The following COL23A1 variants were observed in gnomAD, a reference collection of about 807,000 sequenced individuals.
COL23A1 encodes collagen type XXIII alpha 1 chain, also known as collagen alpha-1(XXIII) chain.
A neutral mutation model predicts 99.3 loss-of-function variants in COL23A1; 97 were observed. The ratio of observed to expected loss-of-function variants is 0.98; its 90% CI spans 0.83 to 1.16. The LOEUF (loss-of-function observed/expected upper bound fraction) is 1.16. Among genes scored for constraint, COL23A1 ranks in the 50% most tolerant of loss-of-function variants. The probability of loss-of-function intolerance (pLI) is 0.00; values close to 1 mark genes in which losing one functional copy is unlikely to be tolerated. For missense variants in COL23A1, 762 were observed against 757.4 expected (o/e 1.01, Z -0.07); for synonymous variants, 320 against 308.2 (o/e 1.04, Z -0.40).
chr5:178,370,094 T>C (rs1762718823), intron 2 of COL23A1, among the ~76,000 whole-genome samples: 1 of 152,198 alleles, frequency 6.6e-6, no homozygotes, highest in Non-Finnish European at 1.5e-5. Flanking sequence ...ACCAAATTCA[T>C]GCCACGTGTC....
intron 2 of COL23A1, among the ~76,000 whole-genome samples, chr5:178,315,437 A>C (rs1036830517): frequency 6.6e-6 from 1 of 152,218 alleles, no homozygotes; most frequent in Non-Finnish European, 1.5e-5. Context: ...CCCCATTTAC[A>C]GATAAAAACC....
chr5:178,498,164 G>C (rs999129914), intron 2 of COL23A1, among the ~76,000 whole-genome samples: 1 of 135,780 alleles, frequency 7.4e-6, no homozygotes, highest in Non-Finnish European at 1.6e-5. Flanking sequence ...TTAGGAGTTC[G>C]AGACCAGCCT....
chr5:178,368,251 G>A (rs906243869), intron 2 of COL23A1, among the ~76,000 whole-genome samples: 3 of 152,196 alleles, frequency 2.0e-5, no homozygotes, highest in Admixed American at 2.0e-4. Flanking sequence ...CATGGGCTGG[G>A]CAGGGAGGAG....
chr5:178,315,457 A>G (rs1024374011), intron 2 of COL23A1, among the ~76,000 whole-genome samples: 4 of 152,222 alleles, frequency 2.6e-5, no homozygotes, highest in African/African-American at 9.6e-5. Flanking sequence ...CCTGAGGCCC[A>G]CAGGCAAAAG....
intron 2 of COL23A1, among the ~76,000 whole-genome samples, chr5:178,482,660 G>A (rs527788719): frequency 6.6e-6 from 1 of 152,268 alleles, no homozygotes; most frequent in South Asian, 2.1e-4. Flanking sequence ...CTAAGAGGCC[G>A]AGGAGGGCAG....
intron 1 of COL23A1, among the ~76,000 whole-genome samples, chr5:178,575,899 C>T (rs1257297102): frequency 2.0e-5 from 3 of 152,178 alleles, no homozygotes; most frequent in African/African-American, 4.8e-5. Context: ...ACCAGGTGTT[C>T]GGAATATGAC....
intron 2 of COL23A1, among the ~76,000 whole-genome samples, chr5:178,526,388 C>T (rs1262765187): frequency 6.6e-6 from 1 of 152,192 alleles, no homozygotes. Context: ...GACCAGGGAA[C>T]GTCCTCTATG....
chr5:178,571,305 T>A (rs1309494460), intron 1 of COL23A1, among the ~76,000 whole-genome samples: 2 of 152,002 alleles, frequency 1.3e-5, no homozygotes, highest in Admixed American at 6.6e-5. Context: ...GAGGTTGCAG[T>A]GAGCCAAGAT....
chr5:178,407,272 G>T (rs892754985), intron 2 of COL23A1, among the ~76,000 whole-genome samples: 1 of 152,234 alleles, frequency 6.6e-6, no homozygotes, highest in Non-Finnish European at 1.5e-5. Flanking sequence ...TGGAAGCTCA[G>T]TTGAAAAGTT....
intron 2 of COL23A1, among the ~76,000 whole-genome samples, chr5:178,320,105 T>C (rs1275216102): frequency 9.5e-6 from 1 of 105,324 alleles, no homozygotes; most frequent in Non-Finnish European, 2.5e-5. Flanking sequence ...CATGCATTTG[T>C]TGTCACATTT....
intron 17 of COL23A1, among the ~76,000 whole-genome samples, chr5:178,251,025 ATT>A (rs70994990): frequency 2.5e-5 from 3 of 121,254 alleles, no homozygotes; most frequent in African/African-American, 3.1e-5. Context: ...TCGCAAGATA[ATT>A]TTTTTTTTTT....
chr5:178,296,949 A>C (rs1182091730), intron 3 of COL23A1, among the ~76,000 whole-genome samples: 1 of 152,212 alleles, frequency 6.6e-6, no homozygotes, highest in African/African-American at 2.4e-5. Flanking sequence ...CACCAGCCAG[A>C]GGGGCGTTTA....
At chr5:178,351,985 C>T (rs1761353715) in intron 2 of COL23A1, 1 of 152,240 alleles carries the variant, frequency 6.6e-6, no homozygotes, top group African/African-American at 2.4e-5. Flanking sequence ...CTAATGACAC[C>T]TTGGTCTTGG....
At chr5:178,298,647 T>A (rs539635056) in intron 3 of COL23A1, among the ~76,000 whole-genome samples, 67 of 152,180 alleles carry the variant, frequency 4.4e-4, no homozygotes, top group African/African-American at 1.5e-3. Context: ...TCTCTTCCTC[T>A]CCCATTCAGC....
At chr5:178,289,048 C>T (rs1757314176) in intron 4 of COL23A1, among the ~76,000 whole-genome samples, 2 of 152,118 alleles carry the variant, frequency 1.3e-5, no homozygotes, top group African/African-American at 4.8e-5. Context: ...GCTAGCCTCC[C>T]TGAGACAGCC....
At chr5:178,505,286 G>A (rs1471443540) in intron 2 of COL23A1, among the ~76,000 whole-genome samples, 1 of 150,340 alleles carries the variant, frequency 6.7e-6, no homozygotes, top group Non-Finnish European at 1.5e-5. Flanking sequence ...GTCTTGCTCT[G>A]TCATCCAGGC....
At position 178,435,441 on chromosome 5, in the gene COL23A1, G is replaced by A. The variant is rs755033729; in HGVS notation, c.361+125241C>T. ...CCCTCCACTTGGCAAACCTGGGTGC[G>A]GAGCCCTGAGCTGGGCACAGAAAGG... is the stretch of plus-strand genomic sequence containing the variant. On this transcript the variant is annotated intron_variant, in intron 2 of 28. Coordinates refer to ENST00000390654, the MANE Select transcript of COL23A1 (RefSeq NM_173465.4). 2.6e-5 allele frequency among the ~76,000 whole-genome samples: 4 copies of A among 152,020 alleles called. 1 individual carries two copies. The highest frequency in any genetic ancestry group is 3.9e-4 in the East Asian group (2 of 5,146).
At position 178,238,546 on chromosome 5, in the gene COL23A1, G is replaced by A. The variant is rs189000256; in HGVS notation, c.*152C>T. ...CCACTTTCCGGCAGCTTCACATGCC[G>A]GTGGCTTTGGGGCTGGGTGGGCATA... On this transcript the variant is annotated 3_prime_UTR_variant, in exon 29 of 29. Transcript: ENST00000390654. The A allele has an allele frequency of 1.7e-4, 165 of 997,726 alleles. No homozygotes were observed. The African/African-American group carries it at 2.3e-3, about 14-fold the overall frequency. The allele number at this position is 997,726 out of a possible 1,614,324, so 61.8% of individuals were successfully genotyped here.
At chr5:178,407,374 G>A (rs1381746679) in intron 2 of COL23A1, among the ~76,000 whole-genome samples, 1 of 152,190 alleles carries the variant, frequency 6.6e-6, no homozygotes, top group Non-Finnish European at 1.5e-5. Flanking sequence ...TGAAGCACAA[G>A]ATTTAACAAA....
Sources: gnomAD v4.1 joint callset for allele counts (sites outside exome capture counted in the v4.1 genomes callset) on GRCh38, gnomAD v4.1.1 for gene constraint, MANE v1.5 for transcripts, NCBI Gene and HGNC (gene_info 2026-07-23, HGNC 2026-07-21) for gene names.